Variants in RGL1 observed in about 807,000 individuals in gnomAD.
RGL1 encodes ral guanine nucleotide dissociation stimulator-like 1.
In RGL1, 24 loss-of-function variants were observed where a neutral mutation model predicts 95.2. The ratio of observed to expected loss-of-function variants is 0.25; its 90% CI spans 0.18 to 0.35. The LOEUF is 0.35. Among genes scored for constraint, RGL1 ranks in the 10% least tolerant of loss-of-function variants. RGL1 has a pLI of 1.00. For missense variants in RGL1, 715 were observed against 936.3 expected, an observed-to-expected ratio of 0.76 and a Z score of 3.08; for synonymous variants, 329 against 344.9, an observed-to-expected ratio of 0.95 and a Z score of 0.51.
At chr1:183,636,801 A>G (rs1649569178) in intron 1 of RGL1, among the ~76,000 whole-genome samples, 1 of 152,214 alleles carries the variant, frequency 6.6e-6, no homozygotes, top group Non-Finnish European at 1.5e-5. Flanking sequence ...CATTTCTGGA[A>G]TGTAGGAGAT....
chr1:183,712,127 G>C (rs965350108), intron 1 of RGL1, among the ~76,000 whole-genome samples: 2 of 152,236 alleles, frequency 1.3e-5, no homozygotes. Context: ...TGTTTGAACT[G>C]TTGGCCATTC....
At chr1:183,791,651 A>G (rs1041275731) in intron 2 of RGL1, among the ~76,000 whole-genome samples, 3 of 152,214 alleles carry the variant, frequency 2.0e-5, no homozygotes, top group African/African-American at 7.2e-5. Flanking sequence ...AAACTTTTCT[A>G]TGTTTTTAAA....
chr1:183,860,106 A>C (rs1215400684), intron 3 of RGL1, among the ~76,000 whole-genome samples: 1 of 152,148 alleles, frequency 6.6e-6, no homozygotes, highest in Admixed American at 6.5e-5. Flanking sequence ...AAAATGCCTA[A>C]GATGTTCTGA....
chr1:183,654,643 C>T (rs896258868), intron 1 of RGL1, among the ~76,000 whole-genome samples: 4 of 152,136 alleles, frequency 2.6e-5, no homozygotes, highest in Non-Finnish European at 4.4e-5. Context: ...AAAATATAGT[C>T]CCCAAATCTG....
At chr1:183,817,233 C>T (rs1385507420) in intron 2 of RGL1, among the ~76,000 whole-genome samples, 1 of 152,190 alleles carries the variant, frequency 6.6e-6, no homozygotes, top group Non-Finnish European at 1.5e-5. Flanking sequence ...AACACTGACC[C>T]TCATAAAATG....
rs1664538575 is a variant in RGL1, at chr1:183,847,700, C to T, written c.273C>T (p.Thr91=). 6.2e-7 allele frequency: 1 copy of T among 1,613,978 alleles called. No individual in the cohort carries two copies. Among genetic ancestry groups the T allele is most frequent in the African/African-American group, 1.3e-5 (1 of 74,944 alleles). The part of the protein sequence containing the change: ...LLTAFGDNDF[T]YISIFLSTYR... ...CAGCTTTTGGGGACAATGACTTTAC[C>T]TATATCAGCATCTTTCTTTCAACGT... Residue 91 remains threonine (T), a synonymous_variant, in exon 3 of 18, where the codon ACC becomes ACT. Transcript: ENST00000360851.
intron 2 of RGL1, among the ~76,000 whole-genome samples, chr1:183,837,012 G>A (rs371164284): frequency 2.0e-5 from 3 of 152,166 alleles, no homozygotes; most frequent in South Asian, 2.1e-4. Context: ...CATAGGAATC[G>A]CCTAGGTAGG....
chr1:183,843,152 G>C (rs1356290235), intron 2 of RGL1, among the ~76,000 whole-genome samples: 1 of 152,190 alleles, frequency 6.6e-6, no homozygotes, highest in Admixed American at 6.5e-5. Flanking sequence ...CAAATTCTCT[G>C]ATAACTTAAC....
chr1:183,906,258 G>A (rs559358565), intron 13 of RGL1, among the ~76,000 whole-genome samples: 2 of 152,272 alleles, frequency 1.3e-5, no homozygotes, highest in African/African-American at 2.4e-5. Context: ...ACTCAGTAAC[G>A]AAATACATCT....
intron 2 of RGL1, among the ~76,000 whole-genome samples, chr1:183,769,184 C>T (rs1659152826): frequency 6.6e-6 from 1 of 152,178 alleles, no homozygotes; most frequent in Non-Finnish European, 1.5e-5. Context: ...GCAGTAAGGT[C>T]CTTAAAGTTA....
chr1:183,740,500 C>T (rs183007623), intron 1 of RGL1, among the ~76,000 whole-genome samples: 78 of 152,324 alleles, frequency 5.1e-4, no homozygotes, highest in Non-Finnish European at 6.2e-4. Context: ...GCCTGCCACT[C>T]GTATAGATTT....
upstream of RGL1, among the ~76,000 whole-genome samples, chr1:183,803,445 G>A (rs1015001090): frequency 6.6e-6 from 1 of 152,230 alleles, no homozygotes; most frequent in East Asian, 1.9e-4. Flanking sequence ...AAGGCTGGAT[G>A]TGAAGCTGTA....
At chr1:183,727,057 A>G (rs1318519029) in intron 1 of RGL1, among the ~76,000 whole-genome samples, 3 of 152,194 alleles carry the variant, frequency 2.0e-5, no homozygotes, top group Admixed American at 6.5e-5. Context: ...AATATTGCAA[A>G]TAAAGACAAC....
intron 2 of RGL1, among the ~76,000 whole-genome samples, chr1:183,778,002 G>A (rs1328876560): frequency 6.6e-6 from 1 of 152,108 alleles, no homozygotes; most frequent in African/African-American, 2.4e-5. Flanking sequence ...TGTTTCATGT[G>A]TCCAAGAAAA....
chr1:183,866,065 G>A lies in RGL1; in HGVS notation c.417G>A (p.Val139=), dbSNP rs767275718. 12 of 1,613,104 alleles carry A rather than the reference G, an allele frequency of 7.4e-6. No homozygotes were observed. In the East Asian group the frequency reaches 1.6e-4, roughly 21 times the overall value. Residue 139 remains valine (V), a synonymous_variant, in exon 4 of 18, where the codon GTG becomes GTA. Transcript: ENST00000360851. ...GSQSSSESKM[V]IRNAIASILR... is the part of the protein sequence containing the mutation. ...AAAGTTCATCAGAGTCCAAAATGGT[G>A]ATCAGGAAGTGAGTCTCCCTTTTCT...
At chr1:183,913,537 G>A (rs1283435316) in intron 15 of RGL1, among the ~76,000 whole-genome samples, 1 of 152,132 alleles carries the variant, frequency 6.6e-6, no homozygotes, top group Admixed American at 6.5e-5. Context: ...GTTGGTTGAA[G>A]GGTTTGGATC....
At chr1:183,689,766 A>G (rs1055325054) in intron 1 of RGL1, among the ~76,000 whole-genome samples, 20 of 152,186 alleles carry the variant, frequency 1.3e-4, no homozygotes, top group African/African-American at 4.8e-4. Context: ...TGGGGCAAGT[A>G]GGGGTGGTGG....
intron 2 of RGL1, among the ~76,000 whole-genome samples, chr1:183,750,674 G>C (rs1657933946): frequency 6.6e-6 from 1 of 152,210 alleles, no homozygotes; most frequent in African/African-American, 2.4e-5. Context: ...TTTTGGGCTG[G>C]CTTCTCCTTA....
upstream of RGL1, among the ~76,000 whole-genome samples, chr1:183,804,528 C>T (rs573376947): frequency 9.5e-4 from 144 of 152,328 alleles, no homozygotes; most frequent in African/African-American, 3.3e-3. Context: ...ACAGAACCTC[C>T]AGGACACTGT....
Sources: allele counts gnomAD v4.1 joint callset (sites outside exome capture counted in the v4.1 genomes callset), GRCh38; gene constraint gnomAD v4.1.1; transcripts MANE v1.5; gene names NCBI Gene and HGNC (gene_info 2026-07-23, HGNC 2026-07-21).